ARHGAP32: variants seen among roughly 807,000 people sequenced by gnomAD.
ARHGAP32 encodes the protein Rho GTPase activating protein 32.
In ARHGAP32, 51 loss-of-function variants were observed where a neutral mutation model predicts 186.5. That is an observed-to-expected ratio of 0.27 (90% confidence interval 0.22 to 0.35). The LOEUF (loss-of-function observed/expected upper bound fraction) is 0.35. Among genes scored for constraint, ARHGAP32 ranks in the 10% least tolerant of loss-of-function variants. ARHGAP32 has a pLI of 1.00. For synonymous variants in ARHGAP32, 950 were observed against 964.3 expected (o/e 0.99, Z 0.27); for missense variants, 2,186 against 2,623.5 (o/e 0.83, Z 3.64).
At chr11:129,276,296 T>TTTG (rs35948166) in intron 1 of ARHGAP32, among the ~76,000 whole-genome samples, 31,868 of 151,766 alleles carry the variant, frequency 0.21, 3,437 homozygotes, top group East Asian at 0.28. Context: ...CTTATCTGTT[T>TTTG]TTGTTGTTGT....
chr11:129,125,938 C>T (rs1044027707), intron 2 of ARHGAP32: 3 of 438,074 alleles, frequency 6.8e-6, no homozygotes, highest in African/African-American at 6.2e-5. Flanking sequence ...TGAAACAGAA[C>T]TCATTCCATC....
intron 6 of ARHGAP32, among the ~76,000 whole-genome samples, chr11:129,082,356 A>C (rs1212190263): frequency 6.6e-6 from 1 of 152,152 alleles, no homozygotes; most frequent in Non-Finnish European, 1.5e-5. Flanking sequence ...TTCAAACTAC[A>C]CTATAAGGCC....
intron 5 of ARHGAP32, among the ~76,000 whole-genome samples, chr11:129,095,693 G>A (rs1941710786): frequency 1.3e-5 from 2 of 152,196 alleles, no homozygotes; most frequent in South Asian, 4.1e-4. Flanking sequence ...GAAACTGCAG[G>A]CCTTCACAGC....
intron 11 of ARHGAP32, among the ~76,000 whole-genome samples, chr11:129,034,728 C>CAAAAAAAA (rs767897442): frequency 2.8e-5 from 2 of 72,550 alleles, no homozygotes; most frequent in East Asian, 4.5e-4. Flanking sequence ...AAACTGAAAA[C>CAAAAAAAA]AAAAAAAAAA....
intron 1 of ARHGAP32, among the ~76,000 whole-genome samples, chr11:129,200,921 T>A (rs1451217433): frequency 1.3e-5 from 2 of 152,128 alleles, no homozygotes; most frequent in Non-Finnish European, 2.9e-5. Context: ...AATCACTCTG[T>A]AATTTTTATT....
intron 6 of ARHGAP32, among the ~76,000 whole-genome samples, chr11:129,071,148 T>G (rs1591587696): frequency 6.6e-6 from 1 of 151,980 alleles, no homozygotes; most frequent in South Asian, 2.1e-4. Context: ...TGTTATTTAT[T>G]AAATGGTTTA....
At chr11:129,237,206 GTCT>G (rs1269568475) in intron 1 of ARHGAP32, among the ~76,000 whole-genome samples, 3 of 152,122 alleles carry the variant, frequency 2.0e-5, no homozygotes, top group African/African-American at 4.8e-5. Context: ...CTGGTCTGTA[GTCT>G]TCTTTTTTTG....
At chr11:129,231,943 T>A (rs1944864291) in intron 1 of ARHGAP32, among the ~76,000 whole-genome samples, 1 of 142,346 alleles carries the variant, frequency 7.0e-6, no homozygotes, top group South Asian at 2.2e-4. Context: ...GAGGATCACC[T>A]GAGCCCAGGA....
intron 11 of ARHGAP32, among the ~76,000 whole-genome samples, chr11:129,007,121 G>A (rs189459709): frequency 5.3e-4 from 81 of 152,158 alleles, no homozygotes; most frequent in African/African-American, 1.3e-3. Context: ...TATCCTTCAC[G>A]GCAGTGGGCT....
intron 5 of ARHGAP32, among the ~76,000 whole-genome samples, chr11:129,111,841 C>G: frequency 6.6e-6 from 1 of 152,100 alleles, no homozygotes; most frequent in Middle Eastern, 3.2e-3. Flanking sequence ...AGCTCACCAC[C>G]AACTTCCACT....
rs1368559215 is a variant in ARHGAP32, at chr11:129,063,939, C to T, written c.848G>A (p.Arg283Lys). 16 of 1,612,496 alleles carry T rather than the reference C, an allele frequency of 9.9e-6. No individual in the cohort carries two copies. The highest frequency in any genetic ancestry group is 1.3e-5 in the African/African-American group (1 of 74,736). Residue 283 changes from arginine (R) to lysine (K), a missense_variant, in exon 9 of 23, where the codon AGG becomes AAG. Around this residue, in one of 5 missense-constraint regions of ARHGAP32, gnomAD observed 308 missense variants for 596.5 expected, o/e 0.52. Coordinates refer to ENST00000682385, the MANE Select transcript of ARHGAP32 (RefSeq NM_001378024.1). ...PAVGAAHVIK[R>K]YTARAPDELT... ...TTCGTCAGGGGCCCGAGCAGTGTAC[C>T]TCTTGATAACATGGGCAGCACCGAC...
intron 1 of ARHGAP32, among the ~76,000 whole-genome samples, chr11:129,257,892 GAT>G (rs1180423737): frequency 2.0e-5 from 3 of 152,004 alleles, no homozygotes; most frequent in Non-Finnish European, 4.4e-5. Flanking sequence ...TTTATCTGAT[GAT>G]ATATAGTCAT....
intron 1 of ARHGAP32, among the ~76,000 whole-genome samples, chr11:129,207,299 T>C (rs926316817): frequency 3.3e-5 from 5 of 152,212 alleles, no homozygotes; most frequent in Non-Finnish European, 7.3e-5. Context: ...TTCTAGATCC[T>C]TGAGGAATCG....
At chr11:129,147,959 A>C (rs762687431) in intron 2 of ARHGAP32, among the ~76,000 whole-genome samples, 4 of 152,246 alleles carry the variant, frequency 2.6e-5, no homozygotes, top group Non-Finnish European at 5.9e-5. Context: ...TACAATAAGG[A>C]AAGCATCATG....
chr11:129,077,311 A>G (rs1463906605), intron 6 of ARHGAP32, among the ~76,000 whole-genome samples: 1 of 152,152 alleles, frequency 6.6e-6, no homozygotes, highest in Non-Finnish European at 1.5e-5. Context: ...AACAGGAAGC[A>G]CAGATAGGAG....
At chr11:129,174,566 T>A (rs1231825581) in intron 1 of ARHGAP32, among the ~76,000 whole-genome samples, 1 of 152,164 alleles carries the variant, frequency 6.6e-6, no homozygotes, top group African/African-American at 2.4e-5. Context: ...AAGAGAGCAA[T>A]GCTTCTCCCA....
At chr11:129,185,561 C>G (rs963998138) in intron 1 of ARHGAP32, among the ~76,000 whole-genome samples, 5 of 152,090 alleles carry the variant, frequency 3.3e-5, no homozygotes, top group African/African-American at 9.7e-5. Flanking sequence ...TGTAACAAAC[C>G]TGCACGTTGT....
At chr11:129,071,558 G>T (rs1940867321) in intron 6 of ARHGAP32, among the ~76,000 whole-genome samples, 1 of 151,978 alleles carries the variant, frequency 6.6e-6, no homozygotes, top group African/African-American at 2.4e-5. Context: ...GCAAAAGATG[G>T]TGTCGGCAAA....
chr11:129,269,637 G>A (rs1945449569), intron 1 of ARHGAP32, among the ~76,000 whole-genome samples: 1 of 152,176 alleles, frequency 6.6e-6, no homozygotes, highest in African/African-American at 2.4e-5. Context: ...TGACGTAGGA[G>A]GATCACCTGA....
Sources: gnomAD v4.1 joint callset for allele counts (sites outside exome capture counted in the v4.1 genomes callset) on GRCh38, gnomAD v4.1.1 for gene constraint, gnomAD v4.1.1 regional missense constraint, MANE v1.5 for transcripts, NCBI Gene and HGNC (gene_info 2026-07-23, HGNC 2026-07-21) for gene names.